The following ANK2 variants were observed in gnomAD, a reference collection of about 807,000 sequenced individuals.
ANK2 encodes ankyrin 2.
Under a neutral mutation model 360.5 loss-of-function variants are expected in ANK2, and 83 were observed. That is an observed-to-expected ratio of 0.23 (90% CI 0.19 to 0.28). ANK2 has a LOEUF of 0.28. Among genes scored for constraint, ANK2 ranks in the 10% least tolerant of loss-of-function variants. The pLI is 1.00. For synonymous variants in ANK2, 1,740 were observed against 1,759.5 expected, an observed-to-expected ratio of 0.99 and a Z score of 0.28; for missense variants, 4,201 against 4,795.7, an observed-to-expected ratio of 0.88 and a Z score of 3.66.
intron 2 of ANK2, among the ~76,000 whole-genome samples, chr4:112,986,097 T>C (rs199958402): frequency 0.24 from 35,904 of 148,526 alleles, 4,662 homozygotes; most frequent in East Asian, 0.43. Flanking sequence ...ATCCAATATA[T>C]AGTATGTCTG....
At chr4:113,063,057 A>C (rs2074201674) in intron 1 of ANK2, among the ~76,000 whole-genome samples, 1 of 152,060 alleles carries the variant, frequency 6.6e-6, no homozygotes, top group Admixed American at 6.6e-5. Flanking sequence ...ACAGCGTAAT[A>C]TCTATTTGGA....
intron 10 of ANK2, among the ~76,000 whole-genome samples, chr4:113,252,570 AC>A (rs2047043032): frequency 6.6e-6 from 1 of 151,864 alleles, no homozygotes; most frequent in South Asian, 2.1e-4. Flanking sequence ...GTAACTCTAA[AC>A]CCTCTATCTA....
chr4:113,108,363 C>T (rs1461339730), intron 1 of ANK2, among the ~76,000 whole-genome samples: 2 of 152,066 alleles, frequency 1.3e-5, no homozygotes, highest in Admixed American at 6.5e-5. Flanking sequence ...AAGCATGCAT[C>T]GTAATTTTCA....
In ANK2 at chr4:112,829,491, C is replaced by CAAAAAAAAAAAAAAAAAAAAAAAAAAA. The variant is rs60272903; in HGVS notation, c.-40+11246_-40+11247insAAAAAAAAAAAAAAAAAAAAAAAAAAA. ...GCAACATAGTATGAGCCCATCTCTA[C>CAAAAAAAAAAAAAAAAAAAAAAAAAAA]AAAAAAAAAAAAAAAAAAAGGAAGG... On this transcript the variant is annotated intron_variant, in intron 1 of 30. Coordinates refer to the ANK2 transcript ENST00000503271. Among the ~76,000 whole-genome samples the CAAAAAAAAAAAAAAAAAAAAAAAAAAA allele has an allele frequency of 2.3e-3, 140 of 60,676 alleles. 11 individuals are homozygous for CAAAAAAAAAAAAAAAAAAAAAAAAAAA. The highest frequency in any genetic ancestry group is 2.9e-3 in the East Asian group (9 of 3,052). The allele number at this position is 60,676 out of a possible 152,430, so 39.8% of individuals were successfully genotyped here.
intron 2 of ANK2, among the ~76,000 whole-genome samples, chr4:113,019,729 G>T (rs1247139626): frequency 6.6e-6 from 1 of 151,996 alleles, no homozygotes; most frequent in Non-Finnish European, 1.5e-5. Context: ...TAGGGGAAAA[G>T]CTCTCATTTT....
At chr4:113,341,601 C>T (rs1382851695) in intron 32 of ANK2, 87 bp from the exon 33 acceptor site, 2 of 1,370,950 alleles carry the variant, frequency 1.5e-6, no homozygotes, top group Non-Finnish European at 2.1e-6. Context: ...CATTTGTTGA[C>T]TACTTTGATC....
At chr4:113,197,986 C>A (rs1406731207) in intron 3 of ANK2, among the ~76,000 whole-genome samples, 1 of 152,132 alleles carries the variant, frequency 6.6e-6, no homozygotes, top group Non-Finnish European at 1.5e-5. Context: ...TGCCACTGTA[C>A]AACCCCACCA....
In ANK2 at chr4:113,283,891, A is replaced by G. The variant is rs550507623; in HGVS notation, c.2079+1019A>G. On this transcript the variant is annotated intron_variant, in intron 18 of 45. Coordinates refer to ENST00000357077, the MANE Select transcript of ANK2 (RefSeq NM_001148.6). The stretch of plus-strand genomic sequence containing the variant: ...TGGTACTTTTAAAGTATCAGTGATA[A>G]GTTGGTCTTAATGACATTTGTAAAT... Among the ~76,000 whole-genome samples the G allele has an allele frequency of 6.6e-5, 10 of 152,298 alleles. No individual in the cohort carries two copies. In the South Asian group the frequency reaches 2.1e-3, roughly 32 times the overall value.
At chr4:113,330,567 AT>A in intron 27 of ANK2, 97 bp downstream of exon 27, 1 of 1,249,072 alleles carries the variant, frequency 8.0e-7, no homozygotes, top group Non-Finnish European at 1.1e-6. Context: ...ACGTCAAACC[AT>A]TTTGAAAGAG....
At chr4:112,809,288 G>A in the ANK2 span, among the ~76,000 whole-genome samples, 3 of 150,122 alleles carry the variant, frequency 2.0e-5, no homozygotes, top group African/African-American at 2.4e-5. Flanking sequence ...AGGGCCGGGC[G>A]CGGTGGCTCA....
intron 2 of ANK2, among the ~76,000 whole-genome samples, chr4:113,176,455 C>G (rs2098204046): frequency 6.6e-6 from 1 of 151,832 alleles, no homozygotes; most frequent in Non-Finnish European, 1.5e-5. Context: ...CATTATGAAT[C>G]ATTTTATCTG....
chr4:112,962,566 G>A (rs2035384946), intron 2 of ANK2, among the ~76,000 whole-genome samples: 1 of 152,122 alleles, frequency 6.6e-6, no homozygotes, highest in South Asian at 2.1e-4. Flanking sequence ...ACCCAGTAAT[G>A]GGATTGCTGG....
chr4:113,259,193 C>A (rs29421), intron 13 of ANK2, among the ~76,000 whole-genome samples: 130 of 152,174 alleles, frequency 8.5e-4, no homozygotes, highest in African/African-American at 3.1e-3. Context: ...TCATTGAATG[C>A]AAATGTTCTC....
At chr4:113,282,274 A>C (rs933928138) in intron 17 of ANK2, among the ~76,000 whole-genome samples, 1 of 152,226 alleles carries the variant, frequency 6.6e-6, no homozygotes, top group Non-Finnish European at 1.5e-5. Flanking sequence ...CACTTCCATC[A>C]GGAATGGTTG....
At chr4:113,122,902 T>G (rs1051048590) in intron 1 of ANK2, among the ~76,000 whole-genome samples, 4 of 151,212 alleles carry the variant, frequency 2.6e-5, no homozygotes, top group African/African-American at 9.7e-5. Flanking sequence ...TAAAGCTGAG[T>G]TTTTATTATA....
rs1329138089 is a variant in ANK2, at chr4:113,355,463, C to A, written c.6845C>A (p.Thr2282Asn). The change falls in exon 38 of 46, where the codon ACC (threonine) becomes AAC (asparagine). Residue 2282 changes from threonine (T) to asparagine (N), a missense_variant. Physicochemically the swap from Thr to Asn is moderately conservative, Grantham distance 65. Coordinates refer to ENST00000357077, the MANE Select transcript of ANK2 (RefSeq NM_001148.6). Reference protein sequence around the residue: ...EIRSEKEHPTTKDITGGSEER... With the variant: ...EIRSEKEHPTNKDITGGSEER... ...CGTTCAGAAAAAGAGCATCCCACGA[C>A]CAAAGACATTACTGGTGGCTCTGAA... is the stretch of plus-strand genomic sequence containing the variant. The A allele has an allele frequency of 3.7e-6, 6 of 1,613,970 alleles. 1 individual carries two copies. The South Asian group carries it at 6.6e-5, about 18-fold the overall frequency.
chr4:112,812,414 A>G, the ANK2 span, among the ~76,000 whole-genome samples: 1 of 152,184 alleles, frequency 6.6e-6, no homozygotes, highest in Non-Finnish European at 1.5e-5. Flanking sequence ...CTCTTGGGAC[A>G]CATGCTTTTA....
At chr4:113,341,624 C>A in intron 32 of ANK2, 64 bp from the exon 33 acceptor site, 1 of 1,535,314 alleles carries the variant, frequency 6.5e-7, no homozygotes, top group African/African-American at 1.4e-5. Context: ...ATTGAAGGAA[C>A]TGATTTTATT....
At chr4:113,041,566 A>G (rs1255498243) in intron 2 of ANK2, among the ~76,000 whole-genome samples, 1 of 152,160 alleles carries the variant, frequency 6.6e-6, no homozygotes. Flanking sequence ...TTTTAGCCAT[A>G]TCACCAGTAT....
Sources: gnomAD v4.1 joint callset for allele counts (sites outside exome capture counted in the v4.1 genomes callset) on GRCh38, gnomAD v4.1.1 for gene constraint, MANE v1.5 for transcripts, NCBI Gene and HGNC (gene_info 2026-07-23, HGNC 2026-07-21) for gene names.